Variants in PRPF38A observed in about 807,000 individuals in gnomAD.
PRPF38A encodes the protein pre-mRNA-splicing factor 38A.
A neutral mutation model predicts 46.8 loss-of-function variants in PRPF38A; 11 were observed. That is an observed-to-expected ratio of 0.24 (90% CI 0.15 to 0.39). The LOEUF (loss-of-function observed/expected upper bound fraction) is 0.39, where lower values mean the gene tolerates loss of function less well. Among genes scored for constraint, PRPF38A ranks in the 10% least tolerant of loss-of-function variants. The pLI, the probability that PRPF38A is intolerant of heterozygous loss-of-function variation, is 1.00. For synonymous variants in PRPF38A, 124 were observed against 136.2 expected, an observed-to-expected ratio of 0.91 and a Z score of 0.62; for missense variants, 261 against 407.5, an observed-to-expected ratio of 0.64 and a Z score of 3.10.
rs1648300702 is a variant in PRPF38A, at chr1:52,416,665, A to G, written c.914A>G (p.Lys305Arg). Residue 305 changes from lysine to arginine, a missense_variant, in exon 10 of 10, where the codon AAG becomes AGG. By Grantham distance (26) the Lys-to-Arg change is conservative. Around this residue, in one of 2 missense-constraint regions of PRPF38A, gnomAD observed 180 missense variants for 221.0 expected, o/e 0.81. Coordinates refer to ENST00000257181, the MANE Select transcript of PRPF38A (RefSeq NM_032864.4). ...CATTTCAGGTCTAAGAAGAGCCACA[A>G]GAAGAGCCGGAGAGGGAATGAGTAA... ...KSPERSKKSH[K>R]KSRRGNE 4.3e-6 allele frequency: 7 copies of G among 1,613,172 alleles called. No individual in the cohort carries two copies. The Middle Eastern group carries it at 8.2e-4, about 190-fold the overall frequency.
rs181263033 is a variant in PRPF38A at position 52,405,904 on chromosome 1, G to C, written c.290+65G>C. 3 of 1,353,984 alleles carry C rather than the reference G, an allele frequency of 2.2e-6. No individual in the cohort carries two copies. The African/African-American group carries it at 4.3e-5, about 19-fold the overall frequency. The allele number at this position is 1,353,984 out of a possible 1,614,324, so 83.9% of individuals were successfully genotyped here. ...TTTGGCGGTTTAGAATTGGGCTTTGGTTAAGAGGGGTGTACACAATGTATC... is the reference window on the plus strand; with the variant it reads ...TTTGGCGGTTTAGAATTGGGCTTTGCTTAAGAGGGGTGTACACAATGTATC... On this transcript the variant is annotated intron_variant, in intron 2 of 9. Coordinates refer to ENST00000257181, the MANE Select transcript of PRPF38A (RefSeq NM_032864.4).
chr1:52,412,831 C>T (rs551947768), intron 5 of PRPF38A, among the ~76,000 whole-genome samples: 2 of 152,146 alleles, frequency 1.3e-5, no homozygotes, highest in Non-Finnish European at 2.9e-5. Flanking sequence ...GGTGAAACCT[C>T]GTCTCTACTA....
At chr1:52,408,885 G>C in intron 3 of PRPF38A, 195 bp downstream of exon 3, 2 of 531,650 alleles carry the variant, frequency 3.8e-6, no homozygotes, top group South Asian at 5.4e-5. Context: ...GCCTTACCCA[G>C]CCTGCCTCTG....
chr1:52,415,832 CTTTTTTTTTTTTTTTTT>C (rs71041898), intron 9 of PRPF38A, among the ~76,000 whole-genome samples: 4 of 51,570 alleles, frequency 7.8e-5, no homozygotes, highest in Non-Finnish European at 1.3e-4. Flanking sequence ...TGGGTGCACT[CTTTTTTTTTTTTTTTTT>C]TTTTTTTTTT....
rs766627231 is a variant in PRPF38A at position 52,416,779 on chromosome 1, A to G, written c.*89A>G. 8 of 1,005,948 alleles carry G rather than the reference A, an allele frequency of 8.0e-6. No homozygotes were observed. Among genetic ancestry groups the G allele is most frequent in the East Asian group, 2.4e-5 (1 of 41,446 alleles). The allele number at this position is 1,005,948 out of a possible 1,614,324, so 62.3% of individuals were successfully genotyped here. On this transcript the variant is annotated 3_prime_UTR_variant, in exon 10 of 10. Coordinates refer to ENST00000257181, the MANE Select transcript of PRPF38A (RefSeq NM_032864.4). Reference sequence around the variant, plus strand: ...GGATTAAGATCTCCCCCAGGCAGCTATAAGAATATTTTAGTTTTTTTCTTA... The same window carrying G: ...GGATTAAGATCTCCCCCAGGCAGCTGTAAGAATATTTTAGTTTTTTTCTTA...
At chr1:52,411,821 G>C (rs1257776161) in intron 4 of PRPF38A, among the ~76,000 whole-genome samples, 2 of 152,132 alleles carry the variant, frequency 1.3e-5, no homozygotes, top group African/African-American at 2.4e-5. Context: ...GTAGTGGAAA[G>C]AATGAGATTA....
At chr1:52,414,939 A>G in intron 8 of PRPF38A, 80 bp downstream of exon 8, 1 of 1,289,196 alleles carries the variant, frequency 7.8e-7, no homozygotes, top group Non-Finnish European at 1.1e-6. Flanking sequence ...GCAGTACAGG[A>G]GTGCCTGACT....
Position 52,405,859 on chromosome 1 carries a change from G to T in PRPF38A, c.290+20G>T, listed in dbSNP as rs1284080339. 3 of 1,608,146 alleles carry T rather than the reference G, an allele frequency of 1.9e-6. No individual in the cohort carries two copies. The highest frequency in any genetic ancestry group is 2.6e-6 in the Non-Finnish European group (3 of 1,174,840). On this transcript the variant is annotated intron_variant, in intron 2 of 9. Transcript: ENST00000257181. ...TTTCAAGTGAGTGCAATGTTCACTA[G>T]CTAATATAAGAGGTTTAATTTTGGC...
rs1353928005 is a variant in PRPF38A at position 52,404,881 on chromosome 1, T to C, written c.130+2T>C. 6.2e-7 allele frequency: 1 copy of C among 1,613,422 alleles called. No homozygotes were observed. The highest frequency in any genetic ancestry group is 1.7e-5 in the Admixed American group (1 of 59,792). ...AAGAGGAGTGCTTTGGACTTACAGG[T>C]AAGTGGAAGCGCGCGGAGCGCCTCT... On this transcript the variant is annotated splice_donor_variant, in intron 1 of 9. Coordinates refer to ENST00000257181, the MANE Select transcript of PRPF38A (RefSeq NM_032864.4). LOFTEE classifies it high-confidence loss of function.
intron 6 of PRPF38A, 111 bp from the exon 7 acceptor site, chr1:52,414,510 T>TA: frequency 9.0e-7 from 1 of 1,114,708 alleles, no homozygotes; most frequent in South Asian, 1.3e-5. Flanking sequence ...AAGACATGGA[T>TA]ACAGAGGTGG....
intron 2 of PRPF38A, among the ~76,000 whole-genome samples, chr1:52,407,456 C>T (rs1239945644): frequency 4.6e-5 from 7 of 152,204 alleles, no homozygotes; most frequent in Non-Finnish European, 7.3e-5. Context: ...GCATTATCTC[C>T]GTTTTACAAG....
intron 3 of PRPF38A, chr1:52,409,472 G>T (rs935108700): frequency 6.6e-6 from 1 of 152,256 alleles, no homozygotes; most frequent in South Asian, 2.1e-4. Flanking sequence ...TTAGCAGGGT[G>T]TGGAGGTGCA....
intron 5 of PRPF38A, 24 bp downstream of exon 5, chr1:52,412,648 G>T: frequency 7.0e-7 from 1 of 1,423,108 alleles, no homozygotes; most frequent in Non-Finnish European, 9.9e-7. Flanking sequence ...GACTTTTATG[G>T]TTGTAGGGGA....
chr1:52,405,976 A>G, intron 2 of PRPF38A, 137 bp downstream of exon 2: 1 of 712,552 alleles, frequency 1.4e-6, no homozygotes, highest in Non-Finnish European at 2.4e-6. Context: ...TGAGCCCTTG[A>G]GTTTGTATTT....
chr1:52,413,784 C>T (rs1648214240), intron 5 of PRPF38A, 95 bp from the exon 6 acceptor site: 2 of 786,660 alleles, frequency 2.5e-6, no homozygotes, highest in East Asian at 2.5e-5. Flanking sequence ...TGGAGATGGA[C>T]TTTGGGACAA....
Position 52,404,681 on chromosome 1 carries a change from G to A in PRPF38A, c.-69G>A, listed in dbSNP as rs1323530628. 6.5e-7 allele frequency: 1 copy of A among 1,545,390 alleles called. No individual in the cohort carries two copies. The highest frequency in any genetic ancestry group is 1.4e-5 in the African/African-American group (1 of 72,800). ...CTTCCACCTTTCTCCATTCCTCTAG[G>A]TGCTTTTTCTGAACCTGGATGTGAG... On this transcript the variant is annotated 5_prime_UTR_variant, in exon 1 of 10. The change creates a new upstream start codon in the 5' untranslated region. Transcript: ENST00000257181.
rs1648310105 is a variant in PRPF38A, at chr1:52,416,901, CTG to C, written c.*213_*214del. ...CAGTTTTTGACCCAACTAACCTTGA[CTG>C]TATTCAAACTTATGAGAGTATAAAG... is the stretch of plus-strand genomic sequence containing the variant. On this transcript the variant is annotated 3_prime_UTR_variant, in exon 10 of 10. Coordinates refer to ENST00000257181, the MANE Select transcript of PRPF38A (RefSeq NM_032864.4). 1 of 566,620 alleles carries C rather than the reference CTG, an allele frequency of 1.8e-6. No homozygotes were observed. Among genetic ancestry groups the C allele is most frequent in the Non-Finnish European group, 3.2e-6 (1 of 313,682 alleles). The allele number at this position is 566,620 out of a possible 1,614,324, so 35.1% of individuals were successfully genotyped here. A position where few individuals can be genotyped will look rare whatever the true frequency, so the allele number is the denominator to read the frequency against.
At chr1:52,406,927 T>C (rs1648012632) in intron 2 of PRPF38A, among the ~76,000 whole-genome samples, 1 of 152,228 alleles carries the variant, frequency 6.6e-6, no homozygotes, top group Admixed American at 6.5e-5. Context: ...AGTATTCTGC[T>C]TCTCGTACAA....
At position 52,404,815 on chromosome 1, in the gene PRPF38A, G is replaced by A; in HGVS notation, c.66G>A (p.Glu22=). 1 of 1,614,242 alleles carries A rather than the reference G, an allele frequency of 6.2e-7. No homozygotes were observed. Among genetic ancestry groups the A allele is most frequent in the Non-Finnish European group, 8.5e-7 (1 of 1,180,038 alleles). The change falls in exon 1 of 10, where the codon GAG becomes GAA. Residue 22 remains glutamate (E), a synonymous_variant. Transcript: ENST00000257181. The part of the protein sequence containing the change: ...IHGTNPQYLV[E]KIIRTRIYES... Reference sequence around the variant, plus strand: ...GCACCAACCCTCAATATCTGGTGGAGAAGATCATTCGAACGCGAATCTATG... The same window carrying A: ...GCACCAACCCTCAATATCTGGTGGAAAAGATCATTCGAACGCGAATCTATG...
Sources: allele counts gnomAD v4.1 joint callset (sites outside exome capture counted in the v4.1 genomes callset), GRCh38; gene constraint gnomAD v4.1.1; regional missense constraint gnomAD v4.1.1; transcripts MANE v1.5; gene names NCBI Gene and HGNC (gene_info 2026-07-23, HGNC 2026-07-21).